The following SGPL1 variants were observed in gnomAD, a reference collection of about 807,000 sequenced individuals.
The protein encoded by SGPL1 is sphingosine-1-phosphate lyase 1.
Under a neutral mutation model 68.9 loss-of-function variants are expected in SGPL1, and 37 were observed. The ratio of observed to expected loss-of-function variants is 0.54; its 90% CI spans 0.41 to 0.71. The LOEUF (loss-of-function observed/expected upper bound fraction) is 0.71, where lower values mean the gene tolerates loss of function less well. Ranked by LOEUF, SGPL1 falls within the 30% of genes least tolerant of loss-of-function variation. The probability of loss-of-function intolerance (pLI) is 0.00; values close to 1 mark genes in which losing one functional copy is unlikely to be tolerated. For missense variants in SGPL1, 551 were observed against 704.6 expected (o/e 0.78, Z 2.47); for synonymous variants, 236 against 248.5 (o/e 0.95, Z 0.47).
chr10:70,868,349 C>CT lies in SGPL1; in HGVS notation c.622dup (p.Ser208PhefsTer20). 6.2e-7 allele frequency: 1 copy of CT among 1,609,882 alleles called. No homozygotes were observed. The highest frequency in any genetic ancestry group is 1.1e-5 in the South Asian group (1 of 90,238). The stretch of plus-strand genomic sequence containing the variant: ...GGCATCTCTTCTTTATTATAGGTGA[C>CT]TTCTGGGGGAACAGAAAGCATACTG... On this transcript the variant is annotated frameshift_variant, in exon 8 of 15. Transcript: ENST00000373202. LOFTEE classifies it high-confidence loss of function.
chr10:70,856,189 T>G (rs1165670451), intron 5 of SGPL1, among the ~76,000 whole-genome samples: 1 of 152,158 alleles, frequency 6.6e-6, no homozygotes, highest in Non-Finnish European at 1.5e-5. Flanking sequence ...AGAGATAAGA[T>G]TTCACCATGT....
At chr10:70,866,423 A>G (rs1846188362) in intron 7 of SGPL1, 1 of 152,142 alleles carries the variant, frequency 6.6e-6, no homozygotes. Flanking sequence ...GAATTTAGGT[A>G]TTCCTACTTT....
intron 7 of SGPL1, among the ~76,000 whole-genome samples, chr10:70,864,121 AG>A (rs1846134608): frequency 2.0e-5 from 3 of 152,202 alleles, no homozygotes; most frequent in African/African-American, 7.2e-5. Context: ...TCAGTTAGGA[AG>A]GTTGCTCAAG....
At chr10:70,864,307 A>T (rs1340079378) in intron 7 of SGPL1, among the ~76,000 whole-genome samples, 1 of 152,006 alleles carries the variant, frequency 6.6e-6, no homozygotes, top group Non-Finnish European at 1.5e-5. Flanking sequence ...TCTCTGTATG[A>T]CTTTTGGTTG....
chr10:70,848,506 C>T (rs1309079312), intron 3 of SGPL1, among the ~76,000 whole-genome samples: 2 of 139,920 alleles, frequency 1.4e-5, no homozygotes, highest in African/African-American at 2.7e-5. Context: ...GCTCTGTCAC[C>T]CAGGCTGGAG....
At position 70,876,675 on chromosome 10, in the gene SGPL1, G is replaced by A; in HGVS notation, c.1566+14G>A. 2 of 1,601,138 alleles carry A rather than the reference G, an allele frequency of 1.2e-6. No individual in the cohort carries two copies. The highest frequency in any genetic ancestry group is 1.7e-6 in the Non-Finnish European group (2 of 1,176,228). ...ACCACAGGAATGGTAGGGACACTTG[G>A]AGTTTTTTTTCTTCTCTTGGAAATT... On this transcript the variant is annotated intron_variant, in intron 14 of 14. Transcript: ENST00000373202.
intron 2 of SGPL1, among the ~76,000 whole-genome samples, chr10:70,843,191 C>T (rs1359746324): frequency 6.6e-6 from 1 of 152,150 alleles, no homozygotes; most frequent in African/African-American, 2.4e-5. Context: ...TCCATCTTGG[C>T]ACTCATATGC....
chr10:70,830,803 C>T (rs1039366006), intron 2 of SGPL1, among the ~76,000 whole-genome samples: 1 of 152,122 alleles, frequency 6.6e-6, no homozygotes, highest in Admixed American at 6.5e-5. Flanking sequence ...GCAAAGATCT[C>T]TAGCTTTTGT....
chr10:70,834,293 A>T (rs773883856), intron 2 of SGPL1, among the ~76,000 whole-genome samples: 1 of 152,104 alleles, frequency 6.6e-6, no homozygotes, highest in African/African-American at 2.4e-5. Flanking sequence ...TGCTTCTTGG[A>T]TGATATTGAT....
intron 7 of SGPL1, among the ~76,000 whole-genome samples, chr10:70,865,148 A>G (rs1846158263): frequency 1.3e-5 from 2 of 151,854 alleles, no homozygotes; most frequent in Non-Finnish European, 2.9e-5. Flanking sequence ...TTTGCGGTAC[A>G]GTTTCAAGGG....
rs1172294402 is a variant in SGPL1 at position 70,876,669 on chromosome 10, C to T, written c.1566+8C>T. ...GCGAAGACCACAGGAATGGTAGGGA[C>T]ACTTGGAGTTTTTTTTCTTCTCTTG... On this transcript the variant is annotated splice_region_variant and intron_variant, in intron 14 of 14. Coordinates refer to ENST00000373202, the MANE Select transcript of SGPL1 (RefSeq NM_003901.4). 24 of 1,601,826 alleles carry T rather than the reference C, an allele frequency of 1.5e-5. No individual in the cohort carries two copies. The highest frequency in any genetic ancestry group is 5.3e-5 in the Admixed American group (3 of 56,510).
chr10:70,861,585 C>G (rs945411824), intron 7 of SGPL1, among the ~76,000 whole-genome samples: 2 of 152,220 alleles, frequency 1.3e-5, no homozygotes, highest in Non-Finnish European at 2.9e-5. Flanking sequence ...TGTAGGAGCC[C>G]CTTTCTGGGC....
intron 2 of SGPL1, among the ~76,000 whole-genome samples, chr10:70,841,884 A>G (rs1270225895): frequency 2.6e-5 from 4 of 152,276 alleles, no homozygotes; most frequent in African/African-American, 9.6e-5. Context: ...TAGTCTTACC[A>G]TAGTTAATAC....
At chr10:70,863,894 G>A (rs940730192) in intron 7 of SGPL1, among the ~76,000 whole-genome samples, 1 of 152,160 alleles carries the variant, frequency 6.6e-6, no homozygotes, top group Non-Finnish European at 1.5e-5. Context: ...AGTCTCTAAT[G>A]TATCTTCTGG....
chr10:70,821,324 G>T (rs1177683082), intron 2 of SGPL1, among the ~76,000 whole-genome samples: 1 of 152,088 alleles, frequency 6.6e-6, no homozygotes, highest in African/African-American at 2.4e-5. Context: ...GTATCACTTT[G>T]CAAGTTGCCA....
At position 70,827,511 on chromosome 10, in the gene SGPL1, A is replaced by G. The variant is rs1202938769; in HGVS notation, c.27+10631A>G. Among the ~76,000 whole-genome samples the G allele has an allele frequency of 2.0e-5, 3 of 152,214 alleles. No individual in the cohort carries two copies. In the East Asian group the frequency reaches 5.8e-4, roughly 29 times the overall value. On this transcript the variant is annotated intron_variant, in intron 2 of 14. Transcript: ENST00000373202. ...AATATAGCTACATCAGCTTTTTGTC[A>G]TGAAATAGGAAACTTCAAATGTATG...
chr10:70,836,899 A>G (rs1845635299), intron 2 of SGPL1, among the ~76,000 whole-genome samples: 1 of 152,164 alleles, frequency 6.6e-6, no homozygotes, highest in African/African-American at 2.4e-5. Context: ...TGGCCTGTAC[A>G]TTCTTAATCT....
chr10:70,827,149 A>G (rs899378668), intron 2 of SGPL1, among the ~76,000 whole-genome samples: 2 of 152,268 alleles, frequency 1.3e-5, no homozygotes, highest in Non-Finnish European at 2.9e-5. Context: ...TATCAACAAT[A>G]TATGAGAGTT....
rs1202822307 is a variant in SGPL1 at position 70,873,520 on chromosome 10, A to C, written c.1229A>C (p.His410Pro). 6.2e-7 allele frequency: 1 copy of C among 1,614,152 alleles called. No homozygotes were observed. Among genetic ancestry groups the C allele is most frequent in the East Asian group, 2.2e-5 (1 of 44,898 alleles). ...GCAGCCTGTTGGGCTGCCTTGATGC[A>C]CTTCGGTGAGAACGGCTATGTTGAA... ...ISAACWAALMHFGENGYVEAT... is the reference protein window; with the variant it reads ...ISAACWAALMPFGENGYVEAT... Residue 410 changes from histidine (H) to proline (P), a missense_variant, in exon 12 of 15, where the codon CAC becomes CCC. Physicochemically the swap from His to Pro is moderately conservative, Grantham distance 77. Coordinates refer to ENST00000373202, the MANE Select transcript of SGPL1 (RefSeq NM_003901.4).
Sources: allele counts gnomAD v4.1 joint callset (sites outside exome capture counted in the v4.1 genomes callset), GRCh38; gene constraint gnomAD v4.1.1; transcripts MANE v1.5; gene names NCBI Gene and HGNC (gene_info 2026-07-23, HGNC 2026-07-21).